The following NETO1 variants were observed in gnomAD, a reference collection of about 807,000 sequenced individuals.
NETO1 encodes the protein neuropilin and tolloid-like protein 1.
Under a neutral mutation model 61.3 loss-of-function variants are expected in NETO1, and 26 were observed. That is an observed-to-expected ratio of 0.42 (90% confidence interval 0.31 to 0.59). The LOEUF is 0.59. Ranked by LOEUF, NETO1 falls within the 20% of genes least tolerant of loss-of-function variation. NETO1 has a pLI of 0.12. For synonymous variants in NETO1, 225 were observed against 225.8 expected, an observed-to-expected ratio of 1.00 and a Z score of 0.03; for missense variants, 531 against 662.8, an observed-to-expected ratio of 0.80 and a Z score of 2.18.
chr18:72,817,257 T>C (rs529280569), intron 4 of NETO1, among the ~76,000 whole-genome samples: 5 of 152,230 alleles, frequency 3.3e-5, no homozygotes, highest in East Asian at 1.9e-4. Flanking sequence ...CCAGCAAACA[T>C]ACCGTGAAGA....
intron 4 of NETO1, among the ~76,000 whole-genome samples, chr18:72,809,902 A>C (rs564691702): frequency 1.3e-3 from 194 of 152,360 alleles, no homozygotes; most frequent in South Asian, 0.01. Flanking sequence ...CTTTTCCTTT[A>C]ATATATAGCA....
rs573488054 is a variant in NETO1 at position 72,823,740 on chromosome 18, G to T, written c.470-29336C>A. Among the ~76,000 whole-genome samples, 3 of 152,218 alleles carry T rather than the reference G, an allele frequency of 2.0e-5. No homozygotes were observed. The East Asian group carries it at 5.8e-4, about 29-fold the overall frequency. ...CAAAGAAGGATATTTGGTGACATGA[G>T]AAAAGAATATAAAATTCACATGCTT... is the stretch of plus-strand genomic sequence containing the variant. On this transcript the variant is annotated intron_variant, in intron 4 of 10. Coordinates refer to ENST00000327305, the MANE Select transcript of NETO1 (RefSeq NM_138966.5).
chr18:72,865,034 A>T lies in NETO1; in HGVS notation c.83-89T>A, dbSNP rs1190850029. On this transcript the variant is annotated intron_variant, in intron 2 of 10. Transcript: ENST00000327305. Reference sequence around the variant, plus strand: ...AGAGGACATTCTTATAATATCCATTAGTAAATTAATTTTTAAATGTTGTCT... The same window carrying T: ...AGAGGACATTCTTATAATATCCATTTGTAAATTAATTTTTAAATGTTGTCT... 2.1e-6 allele frequency: 3 copies of T among 1,457,210 alleles called. No homozygotes were observed. In the African/African-American group the frequency reaches 4.3e-5, roughly 21 times the overall value. 90.3% of individuals were successfully genotyped at this position (1,457,210 alleles called of 1,614,324 possible).
chr18:72,862,626 T>TC (rs1480383720), intron 3 of NETO1, among the ~76,000 whole-genome samples: 1 of 148,150 alleles, frequency 6.7e-6, no homozygotes, highest in Non-Finnish European at 1.5e-5. Context: ...TTTTTTCTTT[T>TC]TTTTTTTTTT....
Position 72,748,179 on chromosome 18 carries a change from C to G in NETO1, c.*15-15G>C. 1.0e-6 allele frequency: 1 copy of G among 982,718 alleles called. No homozygotes were observed. Among genetic ancestry groups the G allele is most frequent in the Non-Finnish European group, 1.2e-6 (1 of 827,092 alleles). The allele number at this position is 982,718 out of a possible 1,614,324, so 60.9% of individuals were successfully genotyped here. The stretch of plus-strand genomic sequence containing the variant: ...ATAGTTCTTCTCTGAAAATAAAAAA[C>G]AGTTAAAACATTTTCTCCCAATGAA... On this transcript the variant is annotated splice_polypyrimidine_tract_variant and intron_variant, in intron 10 of 10. Transcript: ENST00000327305.
intron 4 of NETO1, among the ~76,000 whole-genome samples, chr18:72,826,957 T>G (rs7236496): frequency 1.3e-5 from 2 of 151,970 alleles, no homozygotes; most frequent in Non-Finnish European, 2.9e-5. Flanking sequence ...TGTTCTGGCT[T>G]GTCTCCCTTA....
At chr18:72,840,023 C>T (rs146823367) in intron 4 of NETO1, among the ~76,000 whole-genome samples, 66 of 152,306 alleles carry the variant, frequency 4.3e-4, no homozygotes, top group African/African-American at 1.4e-3. Flanking sequence ...CTCTCTGTAG[C>T]TTGTCTTATA....
At chr18:72,801,021 C>G (rs1238678304) in intron 4 of NETO1, among the ~76,000 whole-genome samples, 1 of 152,118 alleles carries the variant, frequency 6.6e-6, no homozygotes, top group Non-Finnish European at 1.5e-5. Flanking sequence ...TCCCAGCCTC[C>G]CTTGCAATTG....
intron 4 of NETO1, among the ~76,000 whole-genome samples, chr18:72,832,136 T>C (rs1459259323): frequency 6.6e-6 from 1 of 152,208 alleles, no homozygotes; most frequent in African/African-American, 2.4e-5. Flanking sequence ...AATTGATAGA[T>C]GAATTGGATG....
chr18:72,811,276 T>G (rs1273731036), intron 4 of NETO1, among the ~76,000 whole-genome samples: 1 of 152,136 alleles, frequency 6.6e-6, no homozygotes, highest in African/African-American at 2.4e-5. Flanking sequence ...CCATGACTCA[T>G]CTCTGCACTC....
chr18:72,852,615 T>C (rs369233871), intron 4 of NETO1, among the ~76,000 whole-genome samples: 2 of 151,938 alleles, frequency 1.3e-5, no homozygotes, highest in East Asian at 3.9e-4. Flanking sequence ...ATCCTGGAAA[T>C]TTTCTCTCCC....
intron 4 of NETO1, among the ~76,000 whole-genome samples, chr18:72,845,408 A>G (rs1182756058): frequency 6.6e-6 from 1 of 152,220 alleles, no homozygotes; most frequent in East Asian, 1.9e-4. Context: ...TCATGCAACT[A>G]TTGTATATAT....
Position 72,746,111 on chromosome 18 carries a change from A to C in NETO1, c.*2068T>G, listed in dbSNP as rs1261630792. ...ACTGGAGGGGACGGACATGCCGGAC[A>C]GTTATAGAACAAATTAATAGTAAAA... On this transcript the variant is annotated 3_prime_UTR_variant, in exon 11 of 11. Transcript: ENST00000327305. 2.0e-5 allele frequency: 3 copies of C among 152,184 alleles called. No homozygotes were observed. Among genetic ancestry groups the C allele is most frequent in the Non-Finnish European group, 4.4e-5 (3 of 68,040 alleles). 9.4% of individuals were successfully genotyped at this position (152,184 alleles called of 1,614,324 possible).
rs1321599827 is a variant in NETO1 at position 72,756,009 on chromosome 18, TCAAA to T, written c.982+21_982+24del. The T allele has an allele frequency of 4.5e-6, 6 of 1,327,648 alleles. No homozygotes were observed. The Admixed American group carries it at 7.1e-5, about 16-fold the overall frequency. The allele number at this position is 1,327,648 out of a possible 1,614,324, so 82.2% of individuals were successfully genotyped here. A position where few individuals can be genotyped will look rare whatever the true frequency, so the allele number is the denominator to read the frequency against. On this transcript the variant is annotated intron_variant, in intron 8 of 10. Transcript: ENST00000327305. ...CCACTCCACAGGGAGGAAATTTTTT[TCAAA>T]TTTCAGGCACTAATCATTACCTTTA...
chr18:72,773,510 T>C (rs867063462), intron 7 of NETO1, among the ~76,000 whole-genome samples: 1 of 152,072 alleles, frequency 6.6e-6, no homozygotes, highest in Non-Finnish European at 1.5e-5. Context: ...CCTACCCAAA[T>C]CCCACTTTGA....
chr18:72,822,373 C>A (rs6566661), intron 4 of NETO1, among the ~76,000 whole-genome samples: 50 of 152,136 alleles, frequency 3.3e-4, no homozygotes, highest in African/African-American at 1.2e-3. Flanking sequence ...GGGCACTGGG[C>A]GGCACCATGC....
chr18:72,851,631 T>C (rs1259764607), intron 4 of NETO1, among the ~76,000 whole-genome samples: 3 of 152,102 alleles, frequency 2.0e-5, no homozygotes, highest in African/African-American at 7.2e-5. Context: ...AGGCACAATT[T>C]TACAATTGAG....
At chr18:72,794,546 A>T in intron 4 of NETO1, 142 bp from the exon 5 acceptor site, 1 of 716,872 alleles carries the variant, frequency 1.4e-6, no homozygotes, top group Non-Finnish European at 2.3e-6. Context: ...AGGGAAAAGT[A>T]AATGATTAAA....
chr18:72,850,577 T>A (rs1286650038), intron 4 of NETO1, among the ~76,000 whole-genome samples: 4 of 152,210 alleles, frequency 2.6e-5, no homozygotes, highest in Admixed American at 2.6e-4. Flanking sequence ...ATACAGGGCT[T>A]TAGTAATTTG....
Sources: allele counts gnomAD v4.1 joint callset (sites outside exome capture counted in the v4.1 genomes callset), GRCh38; gene constraint gnomAD v4.1.1; transcripts MANE v1.5; gene names NCBI Gene and HGNC (gene_info 2026-07-23, HGNC 2026-07-21).